The following ARVCF variants were observed in gnomAD, a reference collection of about 807,000 sequenced individuals.
The protein encoded by ARVCF is ARVCF delta catenin family member, also known as splicing regulator ARVCF.
A neutral mutation model predicts 90.9 loss-of-function variants in ARVCF; 66 were observed. That is an observed-to-expected ratio of 0.73 (90% CI 0.60 to 0.89). The LOEUF (loss-of-function observed/expected upper bound fraction) is 0.89. ARVCF is among the 40% of genes least tolerant of loss of function. The pLI, the probability that ARVCF is intolerant of heterozygous loss-of-function variation, is 0.00. For missense variants in ARVCF, 1,469 were observed against 1,382.3 expected (o/e 1.06, Z -1.00); for synonymous variants, 653 against 603.4 (o/e 1.08, Z -1.21).
At chr22:19,989,680 T>C (rs1943954416) in intron 3 of ARVCF, among the ~76,000 whole-genome samples, 2 of 152,106 alleles carry the variant, frequency 1.3e-5, no homozygotes, top group Non-Finnish European at 2.9e-5. Context: ...GGGGGAGGTC[T>C]GGCTGCTGGG....
At chr22:20,013,406 T>C (rs926297111) in intron 1 of ARVCF, among the ~76,000 whole-genome samples, 2 of 152,136 alleles carry the variant, frequency 1.3e-5, no homozygotes, top group African/African-American at 4.8e-5. Context: ...TCAGGCTTCC[T>C]TCTGCCTGCA....
intron 10 of ARVCF, among the ~76,000 whole-genome samples, chr22:19,976,266 G>C (rs1448065804): frequency 2.0e-5 from 3 of 152,158 alleles, no homozygotes; most frequent in African/African-American, 7.2e-5. Flanking sequence ...TGTAGCCCTG[G>C]CTTGCACACG....
At chr22:19,972,595 C>A in intron 16 of ARVCF, 142 bp downstream of exon 16, 1 of 1,157,066 alleles carries the variant, frequency 8.6e-7, no homozygotes, top group Non-Finnish European at 1.2e-6. Context: ...AGGGAGTAGC[C>A]AAGAGGCAGA....
chr22:20,006,159 A>T (rs1944617326), intron 2 of ARVCF, among the ~76,000 whole-genome samples: 2 of 152,254 alleles, frequency 1.3e-5, no homozygotes, highest in South Asian at 4.1e-4. Flanking sequence ...AGAATAAAAA[A>T]AAGTTCTGAA....
At chr22:20,015,828 T>C (rs1197210072) in intron 1 of ARVCF, among the ~76,000 whole-genome samples, 2 of 152,194 alleles carry the variant, frequency 1.3e-5, no homozygotes, top group Non-Finnish European at 2.9e-5. Context: ...AGTCCTTTAG[T>C]TCCATTTTAA....
rs1306867369 is a variant in ARVCF at position 19,973,061 on chromosome 22, T to C, written c.2439-25A>G. The C allele has an allele frequency of 1.2e-5, 19 of 1,610,354 alleles. No individual in the cohort carries two copies. The East Asian group carries it at 3.1e-4, about 26-fold the overall frequency. ...GCTGTGGGGCCGGGGGCGGGGTCAG[T>C]GGTGGCCCCTCCCCCACCTCCGCGG... On this transcript the variant is annotated intron_variant, in intron 14 of 19. Transcript: ENST00000263207.
chr22:19,971,481 C>G, intron 18 of ARVCF, 146 bp from the exon 19 acceptor site: 1 of 1,037,960 alleles, frequency 9.6e-7, no homozygotes, highest in Non-Finnish European at 1.4e-6. Flanking sequence ...CGCAGGGAGC[C>G]GGAAACGTGT....
chr22:19,972,426 G>A lies in ARVCF; in HGVS notation c.2642-15C>T, dbSNP rs1178933138. On this transcript the variant is annotated splice_polypyrimidine_tract_variant and intron_variant, in intron 16 of 19. Coordinates refer to ENST00000263207, the MANE Select transcript of ARVCF (RefSeq NM_001670.3). ...TTTCTCGCCCTCTGCAAGGCAGGAG[G>A]AGGAGACGGGCTGCATGTGGCAGCC... 12 of 1,613,198 alleles carry A rather than the reference G, an allele frequency of 7.4e-6. No individual in the cohort carries two copies. In the Middle Eastern group the frequency reaches 4.9e-4, roughly 66 times the overall value.
Position 19,981,550 on chromosome 22 carries a change from C to T in ARVCF, c.557G>A (p.Gly186Glu). Residue 186 changes from glycine (G) to glutamate (E), a missense_variant, in exon 5 of 20, where the codon GGG (glycine) becomes GAG (glutamate). Transcript: ENST00000263207. ...ATLSRAYLSSGGGFPEGPEPR... is the reference protein window; with the variant it reads ...ATLSRAYLSSEGGFPEGPEPR... ...CTCGGGGCCTTCGGGAAAGCCACCC[C>T]CACTGCTGAGGTAGGCTCGAGAGAG... 1 of 1,593,892 alleles carries T rather than the reference C, an allele frequency of 6.3e-7. No homozygotes were observed. Among genetic ancestry groups the T allele is most frequent in the Non-Finnish European group, 8.5e-7 (1 of 1,171,794 alleles).
intron 3 of ARVCF, among the ~76,000 whole-genome samples, chr22:19,982,770 C>A (rs1466699952): frequency 6.6e-6 from 1 of 152,204 alleles, no homozygotes; most frequent in Non-Finnish European, 1.5e-5. Context: ...GTTGTGTAGG[C>A]ACAGGTTTGC....
At chr22:19,984,034 G>A (rs867982586) in intron 3 of ARVCF, among the ~76,000 whole-genome samples, 6 of 152,184 alleles carry the variant, frequency 3.9e-5, no homozygotes, top group East Asian at 1.9e-4. Flanking sequence ...GGCCCTGGGC[G>A]GGGCTCATCT....
At chr22:19,973,493 G>GC (rs1473972016) in intron 13 of ARVCF, 150 bp downstream of exon 13, 5 of 1,366,870 alleles carry the variant, frequency 3.7e-6, no homozygotes, top group Middle Eastern at 5.1e-4. Context: ...GGGCCGGGGG[G>GC]ACTGGAGCTA....
downstream of ARVCF, chr22:19,968,857 C>A: frequency 2.2e-6 from 2 of 904,318 alleles, no homozygotes; most frequent in East Asian, 2.6e-5. Flanking sequence ...ACACCTCGGC[C>A]GAGGCCTGCG....
rs963475747 is a variant in ARVCF at position 19,986,464 on chromosome 22, T to C, written c.210+4121A>G. ...GAGAGGGGGAGGATCCCGTTTTCCT[T>C]AGAGATCTCCTCCAGCATCCATTAG... On this transcript the variant is annotated intron_variant, in intron 3 of 19. Coordinates refer to ENST00000263207, the MANE Select transcript of ARVCF (RefSeq NM_001670.3). Among the ~76,000 whole-genome samples, 5 of 152,220 alleles carry C rather than the reference T, an allele frequency of 3.3e-5. 1 individual carries two copies. Among genetic ancestry groups the C allele is most frequent in the African/African-American group, 1.2e-4 (5 of 41,534 alleles).
rs139471681 is a variant in ARVCF at position 19,970,163 on chromosome 22, G to A, written c.*593C>T. 7,122 of 987,046 alleles carry A rather than the reference G, an allele frequency of 7.2e-3. 26 individuals are homozygous for A. The highest frequency in any genetic ancestry group is 8.0e-3 in the Non-Finnish European group (6,687 of 831,024). 61.1% of individuals were successfully genotyped at this position (987,046 alleles called of 1,614,324 possible). On this transcript the variant is annotated 3_prime_UTR_variant, in exon 20 of 20. Transcript: ENST00000263207. Reference sequence around the variant, plus strand: ...TACTGCACAGGGGCCTCACGTGACTGCAGGGCTCTGGGGAGGTGGGGCACC... The same window carrying A: ...TACTGCACAGGGGCCTCACGTGACTACAGGGCTCTGGGGAGGTGGGGCACC...
intron 2 of ARVCF, among the ~76,000 whole-genome samples, chr22:20,001,774 A>G (rs1944454108): frequency 6.6e-6 from 1 of 152,198 alleles, no homozygotes; most frequent in Non-Finnish European, 1.5e-5. Context: ...CCTGGGCAAC[A>G]AAAGCAAAAC....
intron 18 of ARVCF, 140 bp from the exon 19 acceptor site, chr22:19,971,475 G>A: frequency 9.1e-7 from 1 of 1,093,174 alleles, no homozygotes; most frequent in Non-Finnish European, 1.3e-6. Flanking sequence ...CAAGGGCGCA[G>A]GGAGCCGGAA....
chr22:19,975,821 G>C, intron 10 of ARVCF, 64 bp from the exon 11 acceptor site: 5 of 1,550,638 alleles, frequency 3.2e-6, no homozygotes, highest in Middle Eastern at 3.4e-4. Context: ...TATCAGGAGA[G>C]TTGGGCACAG....
In ARVCF at chr22:19,981,261, A is replaced by G. The variant is rs1943477297; in HGVS notation, c.846T>C (p.Tyr282=). ...DEGGPELEPD[Y]GTATRRRPEC... The stretch of plus-strand genomic sequence containing the variant: ...CAGGCCTCCTCCTTGTGGCCGTGCC[A>G]TAGTCAGGCTCCAGCTCAGGGCCAC... The change falls in exon 5 of 20, where the codon TAT becomes TAC. Residue 282 remains tyrosine, a synonymous_variant. Transcript: ENST00000263207. 6.4e-7 allele frequency: 1 copy of G among 1,566,754 alleles called. No homozygotes were observed. Among genetic ancestry groups the G allele is most frequent in the Non-Finnish European group, 8.6e-7 (1 of 1,157,110 alleles).
Sources: allele counts gnomAD v4.1 joint callset (sites outside exome capture counted in the v4.1 genomes callset), GRCh38; gene constraint gnomAD v4.1.1; transcripts MANE v1.5; gene names NCBI Gene and HGNC (gene_info 2026-07-23, HGNC 2026-07-21).